PGAP6: variants seen among roughly 807,000 people sequenced by gnomAD.
PGAP6 encodes the protein post-GPI attachment to proteins factor 6.
A neutral mutation model predicts 68.4 loss-of-function variants in PGAP6; 62 were observed. That is an observed-to-expected ratio of 0.91 (90% CI 0.74 to 1.12). The LOEUF (loss-of-function observed/expected upper bound fraction) is 1.12, where lower values mean the gene tolerates loss of function less well. Among genes scored for constraint, PGAP6 ranks in the 50% most tolerant of loss-of-function variants. PGAP6 has a pLI of 0.00. For synonymous variants in PGAP6, 575 were observed against 474.0 expected (o/e 1.21, Z -2.77); for missense variants, 1,188 against 1,068.5 (o/e 1.11, Z -1.56).
chr16:377,671 A>G lies in PGAP6; in HGVS notation c.299T>C (p.Val100Ala). 1.3e-6 allele frequency: 2 copies of G among 1,580,890 alleles called. No individual in the cohort carries two copies. Among genetic ancestry groups the G allele is most frequent in the Non-Finnish European group, 1.7e-6 (2 of 1,164,656 alleles). The change falls in exon 2 of 13, where the codon GTG becomes GCG. Residue 100 changes from valine (V) to alanine (A), a missense_variant and splice_region_variant. Transcript: ENST00000431232. ...GGCAGGCGGGCGGGCAGCCACCTAC[A>G]CGGTGATCTCCGCGTCGGTGCAGGC... ...GAACTDAEIT[V>A]HFRSGAPPVI...
intron 11 of PGAP6, 148 bp from the exon 12 acceptor site, chr16:372,875 G>C (rs938230266): frequency 3.3e-6 from 2 of 612,550 alleles, no homozygotes. Flanking sequence ...CCTCTGACTA[G>C]CTCTGCCAGC....
chr16:380,516 G>A (rs1041111771), intron 1 of PGAP6, among the ~76,000 whole-genome samples: 8 of 151,940 alleles, frequency 5.3e-5, no homozygotes, highest in African/African-American at 1.5e-4. Flanking sequence ...ACAGGCATGC[G>A]CCACCACTGC....
At chr16:381,142 T>C (rs939733153) in intron 1 of PGAP6, among the ~76,000 whole-genome samples, 2 of 151,992 alleles carry the variant, frequency 1.3e-5, no homozygotes, top group African/African-American at 4.8e-5. Flanking sequence ...AGGGGCGCCC[T>C]TTCCTCAGCC....
rs1026831437 is a variant in PGAP6 at position 376,784 on chromosome 16, G to A, written c.664C>T (p.Leu222Phe). 5.0e-6 allele frequency: 8 copies of A among 1,609,168 alleles called. No individual in the cohort carries two copies. The highest frequency in any genetic ancestry group is 1.3e-5 in the African/African-American group (1 of 74,880). Residue 222 changes from leucine to phenylalanine, a missense_variant, in exon 5 of 13, where the codon CTT (leucine) becomes TTT (phenylalanine). By Grantham distance (22) the Leu-to-Phe change is conservative (BLOSUM62 0). Coordinates refer to ENST00000431232, the MANE Select transcript of PGAP6 (RefSeq NM_021259.3). ...KVFVPDYTRE[L>F]LLELRDCVSN... is the part of the protein sequence containing the mutation. Reference sequence around the variant, plus strand: ...ACGCAGTCCCGCAGCTCCAGCAGAAGCTCCCGCGTGTAATCGGGGACAAAG... The same window carrying A: ...ACGCAGTCCCGCAGCTCCAGCAGAAACTCCCGCGTGTAATCGGGGACAAAG...
upstream of PGAP6, among the ~76,000 whole-genome samples, chr16:385,663 C>T (rs55715852): frequency 0.6 from 66,827 of 111,668 alleles, 20,489 homozygotes; most frequent in African/African-American, 0.71. Flanking sequence ...CTCGCTCTGT[C>T]GCCCAGGCTG....
intron 11 of PGAP6, among the ~76,000 whole-genome samples, chr16:373,288 G>C (rs1056656291): frequency 2.0e-5 from 3 of 152,242 alleles, no homozygotes; most frequent in African/African-American, 7.2e-5. Flanking sequence ...AGTTCCCAGA[G>C]CAGATGGGAG....
intron 8 of PGAP6, 54 bp downstream of exon 8, chr16:375,079 C>T: frequency 1.2e-6 from 2 of 1,602,806 alleles, no homozygotes; most frequent in Non-Finnish European, 1.7e-6. Context: ...GGCCTGTGGT[C>T]CTGAGTGAAA....
chr16:373,991 C>T lies in PGAP6; in HGVS notation c.1902+14G>A, dbSNP rs750551904. 27 of 1,597,546 alleles carry T rather than the reference C, an allele frequency of 1.7e-5. No individual in the cohort carries two copies. The highest frequency in any genetic ancestry group is 1.3e-4 in the African/African-American group (10 of 74,764). On this transcript the variant is annotated intron_variant, in intron 11 of 12. Transcript: ENST00000431232. Reference sequence around the variant, plus strand: ...CTCCCCCGGAGCCCACACCCCACGTCGAGGGCCACTCACGTATTTCAGGAC... The same window carrying T: ...CTCCCCCGGAGCCCACACCCCACGTTGAGGGCCACTCACGTATTTCAGGAC...
In PGAP6 at chr16:372,682, G is replaced by A. The variant is rs1298447948; in HGVS notation, c.1948C>T (p.Leu650=). The change falls in exon 12 of 13, where the codon CTG becomes TTG. Residue 650 remains leucine (L), a synonymous_variant. Coordinates refer to ENST00000431232, the MANE Select transcript of PGAP6 (RefSeq NM_021259.3). ...ATGTTCCACATGCCCCTGCGGTCCA[G>A]CTGCAAGGACATGGCGATGACCAGT... ...GTLVIAMSLQ[L]DRRGMWNMLG... is the part of the protein sequence containing the mutation. 9.9e-6 allele frequency: 16 copies of A among 1,612,342 alleles called. No individual in the cohort carries two copies. Among genetic ancestry groups the A allele is most frequent in the Non-Finnish European group, 1.4e-5 (16 of 1,179,816 alleles).
intron 1 of PGAP6, 151 bp from the exon 2 acceptor site, chr16:377,999 C>A (rs56990244): frequency 4.5e-6 from 3 of 661,778 alleles, no homozygotes; most frequent in South Asian, 1.9e-5. Context: ...CAAAGGTCAC[C>A]GACACCCTCT....
chr16:379,288 C>T (rs990873892), intron 1 of PGAP6, among the ~76,000 whole-genome samples: 7 of 152,192 alleles, frequency 4.6e-5, no homozygotes, highest in African/African-American at 1.2e-4. Context: ...TCCTGCCAGC[C>T]TCGTGACCCT....
intron 1 of PGAP6, among the ~76,000 whole-genome samples, chr16:378,829 C>T (rs1261446849): frequency 6.6e-6 from 1 of 152,240 alleles, no homozygotes; most frequent in Non-Finnish European, 1.5e-5. Flanking sequence ...AACAAGGGGA[C>T]AGCTGCCCTC....
At chr16:386,906 G>T, upstream of PGAP6, 1 of 613,478 alleles carries the variant, frequency 1.6e-6, no homozygotes, top group East Asian at 3.7e-5. Context: ...CCTTCCAGCG[G>T]CCCAAGACAC....
At chr16:375,997 A>G in intron 6 of PGAP6, 139 bp downstream of exon 6, 1 of 858,060 alleles carries the variant, frequency 1.2e-6, no homozygotes, top group Non-Finnish European at 1.7e-6. Flanking sequence ...GCCCCCCAAC[A>G]TGGGCCCCTG....
intron 11 of PGAP6, 90 bp downstream of exon 11, chr16:373,915 T>A: frequency 7.0e-7 from 1 of 1,438,444 alleles, no homozygotes; most frequent in Admixed American, 2.5e-5. Context: ...CAACGCCAGG[T>A]CCGGCCTCTC....
intron 6 of PGAP6, 84 bp from the exon 7 acceptor site, chr16:375,519 G>C: frequency 8.6e-7 from 1 of 1,161,526 alleles, no homozygotes. Flanking sequence ...GCTCAGCCTG[G>C]TGCTGGTGCC....
rs1441140767 is a variant in PGAP6 at position 377,407 on chromosome 16, G to A, written c.478C>T (p.Pro160Ser). 3 of 1,605,434 alleles carry A rather than the reference G, an allele frequency of 1.9e-6. No homozygotes were observed. Among genetic ancestry groups the A allele is most frequent in the Admixed American group, 1.7e-5 (1 of 59,432 alleles). Residue 160 changes from proline (P) to serine (S), a missense_variant, in exon 3 of 13, where the codon CCC becomes TCC. Coordinates refer to ENST00000431232, the MANE Select transcript of PGAP6 (RefSeq NM_021259.3). ...AACTCGATCTTCTGGGATGAGGGGGGCAGGTGGGCGGCCACGAACCAGTCC... is the reference window on the plus strand; with the variant it reads ...AACTCGATCTTCTGGGATGAGGGGGACAGGTGGGCGGCCACGAACCAGTCC... ...PGDWFVAAHL[P>S]PSSQKIELKG...
At chr16:386,963 G>A (rs1032256175), upstream of PGAP6, 2 of 568,760 alleles carry the variant, frequency 3.5e-6, no homozygotes, top group African/African-American at 3.8e-5. Flanking sequence ...GCACCCCCAG[G>A]AGAAACAAGC....
intron 6 of PGAP6, among the ~76,000 whole-genome samples, 195 bp from the exon 7 acceptor site, chr16:375,630 C>T (rs2054375985): frequency 1.3e-5 from 2 of 151,792 alleles, no homozygotes; most frequent in African/African-American, 4.8e-5. Flanking sequence ...CCCCTGGGTT[C>T]ATGCCATTCT....
Sources: gnomAD v4.1 joint callset for allele counts (sites outside exome capture counted in the v4.1 genomes callset) on GRCh38, gnomAD v4.1.1 for gene constraint, MANE v1.5 for transcripts, NCBI Gene and HGNC (gene_info 2026-07-23, HGNC 2026-07-21) for gene names.